Variants in EXOC4 observed in about 807,000 individuals in gnomAD.
EXOC4 encodes exocyst complex component 4.
In EXOC4, 71 loss-of-function variants were observed where a neutral mutation model predicts 107.2. The observed-to-expected ratio is 0.66, with a 90% CI of 0.55 to 0.81. The LOEUF (loss-of-function observed/expected upper bound fraction) is 0.81. Ranked by LOEUF, EXOC4 falls within the 30% of genes least tolerant of loss-of-function variation. EXOC4 has a pLI of 0.00. For missense variants in EXOC4, 1,108 were observed against 1,189.6 expected (o/e 0.93, Z 1.01); for synonymous variants, 456 against 441.2 (o/e 1.03, Z -0.42).
chr7:133,755,884 T>C (rs1798175850), intron 10 of EXOC4, among the ~76,000 whole-genome samples: 1 of 152,174 alleles, frequency 6.6e-6, no homozygotes, highest in African/African-American at 2.4e-5. Flanking sequence ...TTTCCTTCTC[T>C]CTGTTAACCT....
intron 10 of EXOC4, among the ~76,000 whole-genome samples, chr7:133,633,813 T>C (rs1388129603): frequency 5.3e-5 from 8 of 152,084 alleles, no homozygotes. Context: ...TTTTCTTACG[T>C]GGTCTCTTGG....
At chr7:133,388,574 G>A (rs1203021001) in intron 7 of EXOC4, among the ~76,000 whole-genome samples, 3 of 151,900 alleles carry the variant, frequency 2.0e-5, no homozygotes, top group Admixed American at 6.6e-5. Context: ...CGCTTGAACC[G>A]GGGAGGTGGA....
intron 17 of EXOC4, among the ~76,000 whole-genome samples, chr7:134,008,757 G>A (rs1794702433): frequency 6.6e-6 from 1 of 151,660 alleles, no homozygotes; most frequent in Admixed American, 6.6e-5. Flanking sequence ...ATCCTCCGAG[G>A]AGCTGGGACT....
chr7:133,987,268 G>A (rs1051953216), intron 14 of EXOC4, among the ~76,000 whole-genome samples: 4 of 152,046 alleles, frequency 2.6e-5, no homozygotes, highest in Non-Finnish European at 5.9e-5. Flanking sequence ...TGAGACCAGC[G>A]TAGGCAACAT....
At chr7:133,927,313 T>C (rs1585254362) in intron 13 of EXOC4, among the ~76,000 whole-genome samples, 1 of 152,302 alleles carries the variant, frequency 6.6e-6, no homozygotes, top group African/African-American at 2.4e-5. Context: ...AATTTTTTCA[T>C]CCAATTCAGA....
At chr7:133,994,475 A>C (rs898983307) in intron 14 of EXOC4, among the ~76,000 whole-genome samples, 7 of 152,124 alleles carry the variant, frequency 4.6e-5, no homozygotes, top group Non-Finnish European at 1.0e-4. Context: ...TGTGAAACAA[A>C]CCTGCACGTT....
intron 7 of EXOC4, among the ~76,000 whole-genome samples, chr7:133,402,269 G>C (rs1797107023): frequency 6.6e-6 from 1 of 152,182 alleles, no homozygotes; most frequent in Non-Finnish European, 1.5e-5. Flanking sequence ...TGCTTTGTAA[G>C]TGGTAAAATT....
intron 9 of EXOC4, among the ~76,000 whole-genome samples, chr7:133,618,735 T>A (rs886432510): frequency 6.6e-6 from 1 of 152,142 alleles, no homozygotes; most frequent in African/African-American, 2.4e-5. Flanking sequence ...AATATAGTAC[T>A]CCATCAGAGC....
At chr7:133,857,366 T>TATATATATATATA (rs1798437702) in intron 11 of EXOC4, among the ~76,000 whole-genome samples, 28 of 76,938 alleles carry the variant, frequency 3.6e-4, no homozygotes, top group Non-Finnish European at 5.2e-4. Context: ...TATATATATA[T>TATATATATATATA]TTTACCTCTA....
chr7:133,628,105 C>G lies in EXOC4; in HGVS notation c.1418-1940C>G, dbSNP rs373701910. ...TTTAGAAGAAGGAAACCAAATGTTG[C>G]GAGTGTAGATTGCTAGGGTTTTGAG... On this transcript the variant is annotated intron_variant, in intron 9 of 17. Coordinates refer to ENST00000253861, the MANE Select transcript of EXOC4 (RefSeq NM_021807.4). 5.3e-5 allele frequency among the ~76,000 whole-genome samples: 8 copies of G among 152,200 alleles called. No homozygotes were observed. The East Asian group carries it at 1.4e-3, about 26-fold the overall frequency.
At chr7:133,901,410 C>T (rs575277122) in intron 12 of EXOC4, among the ~76,000 whole-genome samples, 111 of 152,204 alleles carry the variant, frequency 7.3e-4, no homozygotes, top group Admixed American at 2.0e-3. Context: ...TTACTTAGTG[C>T]CTCAGGAGTT....
intron 10 of EXOC4, among the ~76,000 whole-genome samples, chr7:133,686,990 ATT>A (rs199884442): frequency 0.1 from 6,095 of 61,244 alleles, 156 homozygotes; most frequent in Middle Eastern, 0.14. Context: ...GGGATAAAGA[ATT>A]TTGTGTGTGT....
At chr7:133,651,718 T>C (rs1803158790) in intron 10 of EXOC4, among the ~76,000 whole-genome samples, 1 of 152,182 alleles carries the variant, frequency 6.6e-6, no homozygotes, top group Non-Finnish European at 1.5e-5. Context: ...GGAGTCTTGC[T>C]CTGTCGCCCA....
chr7:133,998,387 C>A (rs963353393), intron 15 of EXOC4, among the ~76,000 whole-genome samples: 1 of 152,122 alleles, frequency 6.6e-6, no homozygotes, highest in Admixed American at 6.6e-5. Flanking sequence ...GAATGGGATT[C>A]TTTTCTTTAA....
At chr7:133,476,458 A>G (rs1019406270) in intron 8 of EXOC4, among the ~76,000 whole-genome samples, 1 of 152,192 alleles carries the variant, frequency 6.6e-6, no homozygotes, top group Non-Finnish European at 1.5e-5. Context: ...ACCACCACTG[A>G]AGTATCCCAG....
intron 1 of EXOC4, among the ~76,000 whole-genome samples, chr7:133,265,048 G>A (rs1028330505): frequency 1.3e-5 from 2 of 152,158 alleles, no homozygotes; most frequent in African/African-American, 2.4e-5. Context: ...GTTAAAAGCA[G>A]TTTGGGAAAG....
chr7:134,064,684 A>G lies in EXOC4; in HGVS notation c.*156A>G, dbSNP rs1796145249. On this transcript the variant is annotated 3_prime_UTR_variant, in exon 18 of 18. Transcript: ENST00000253861. ...TCTTTCTCTCTGGTTTTGGCTTTTC[A>G]TATAAATGCTAAAGGAAGGCGACAG... 1 of 511,164 alleles carries G rather than the reference A, an allele frequency of 2.0e-6. No individual in the cohort carries two copies. Among genetic ancestry groups the G allele is most frequent in the South Asian group, 3.5e-5 (1 of 28,598 alleles). 31.7% of individuals were successfully genotyped at this position (511,164 alleles called of 1,614,324 possible).
chr7:133,407,633 G>A (rs942846377), intron 7 of EXOC4, among the ~76,000 whole-genome samples: 9 of 152,152 alleles, frequency 5.9e-5, no homozygotes, highest in Admixed American at 2.0e-4. Context: ...GTAAGATGTA[G>A]TCCACAGCAA....
intron 6 of EXOC4, among the ~76,000 whole-genome samples, chr7:133,371,050 G>C (rs1320277415): frequency 6.6e-6 from 1 of 152,158 alleles, no homozygotes; most frequent in African/African-American, 2.4e-5. Context: ...AAAACCAAGT[G>C]AACTAAAAGA....
Sources: allele counts gnomAD v4.1 joint callset (sites outside exome capture counted in the v4.1 genomes callset), GRCh38; gene constraint gnomAD v4.1.1; transcripts MANE v1.5; gene names NCBI Gene and HGNC (gene_info 2026-07-23, HGNC 2026-07-21).